The following MYRIP variants were observed in gnomAD, a reference collection of about 807,000 sequenced individuals.
The protein encoded by MYRIP is rab effector MyRIP.
Under a neutral mutation model 98.0 loss-of-function variants are expected in MYRIP, and 49 were observed. The ratio of observed to expected loss-of-function variants is 0.50; its 90% confidence interval spans 0.40 to 0.63. The LOEUF is 0.63. MYRIP is among the 30% of genes least tolerant of loss of function. MYRIP has a pLI of 0.00. For synonymous variants in MYRIP, 404 were observed against 409.5 expected (o/e 0.99, Z 0.16); for missense variants, 1,004 against 1,058.2 (o/e 0.95, Z 0.71).
intron 3 of MYRIP, among the ~76,000 whole-genome samples, chr3:40,046,780 C>G (rs566856419): frequency 1.3e-5 from 2 of 151,808 alleles, no homozygotes; most frequent in Admixed American, 1.3e-4. Context: ...AAACCCTAGC[C>G]GTTATTAAAG....
In MYRIP at chr3:40,232,712, C is replaced by T. The variant is rs538258203; in HGVS notation, c.1906-1147C>T. 14 of 152,330 alleles carry T rather than the reference C, an allele frequency of 9.2e-5. No homozygotes were observed. The South Asian group carries it at 2.9e-3, about 32-fold the overall frequency. The allele number at this position is 152,330 out of a possible 1,614,324, so 9.4% of individuals were successfully genotyped here. A position where few individuals can be genotyped will look rare whatever the true frequency, so the allele number is the denominator to read the frequency against. On this transcript the variant is annotated intron_variant, in intron 11 of 16. Coordinates refer to ENST00000302541, the MANE Select transcript of MYRIP (RefSeq NM_015460.4). The stretch of plus-strand genomic sequence containing the variant: ...GCATGATGCTATATGTTCAGATGAA[C>T]TCAAAAATGCAGATAATTCTTTGGG...
chr3:40,210,266 G>A (rs1045991016), intron 11 of MYRIP, among the ~76,000 whole-genome samples, 173 bp downstream of exon 11: 2 of 152,150 alleles, frequency 1.3e-5, no homozygotes, highest in African/African-American at 4.8e-5. Flanking sequence ...GCACTGGGGG[G>A]TACAATCAGG....
chr3:40,140,184 G>A (rs1949862169), intron 3 of MYRIP, among the ~76,000 whole-genome samples: 1 of 152,084 alleles, frequency 6.6e-6, no homozygotes, highest in African/African-American at 2.4e-5. Flanking sequence ...CCTGACAATG[G>A]AATTACTGTA....
intron 2 of MYRIP, among the ~76,000 whole-genome samples, chr3:40,043,435 T>C (rs1236954672): frequency 6.6e-6 from 1 of 152,150 alleles, no homozygotes; most frequent in African/African-American, 2.4e-5. Context: ...CCGTTATGTT[T>C]TGCATTAGTG....
At chr3:39,875,360 A>T (rs1942954106) in intron 1 of MYRIP, among the ~76,000 whole-genome samples, 2 of 150,950 alleles carry the variant, frequency 1.3e-5, no homozygotes. Context: ...CTCTGATTTT[A>T]GTTATTTCTT....
rs1286653984 is a variant in MYRIP, at chr3:40,189,891, C to T, written c.1093C>T (p.Pro365Ser). ...WVALKDGAPP[P>S]TRLLAKPKSG... The stretch of plus-strand genomic sequence containing the variant: ...GGCCCTGAAGGATGGCGCTCCACCC[C>T]CCACCCGACTACTGGCCAAACCTAA... Residue 365 changes from proline (P) to serine (S), a missense_variant, in exon 10 of 17, where the codon CCC becomes TCC. Physicochemically the swap from Pro to Ser is moderately conservative, Grantham distance 74. Transcript: ENST00000302541. The T allele has an allele frequency of 6.2e-7, 1 of 1,614,194 alleles. No individual in the cohort carries two copies.
At chr3:40,034,035 C>G (rs1947321177) in intron 2 of MYRIP, among the ~76,000 whole-genome samples, 1 of 152,098 alleles carries the variant, frequency 6.6e-6, no homozygotes, top group African/African-American at 2.4e-5. Flanking sequence ...AAAGCTGAAA[C>G]TGGATCCTTT....
chr3:40,018,254 C>A (rs1439690297), intron 2 of MYRIP, among the ~76,000 whole-genome samples: 2 of 152,130 alleles, frequency 1.3e-5, no homozygotes, highest in African/African-American at 4.8e-5. Flanking sequence ...TCTTCAATAT[C>A]TTCTCTTTGC....
chr3:39,942,547 T>A (rs557318661), intron 2 of MYRIP, among the ~76,000 whole-genome samples: 1 of 152,264 alleles, frequency 6.6e-6, no homozygotes, highest in African/African-American at 2.4e-5. Context: ...TAGATGTGTA[T>A]ATTTTGGGCG....
chr3:39,844,225 C>T (rs140845665), intron 1 of MYRIP, among the ~76,000 whole-genome samples: 2 of 152,282 alleles, frequency 1.3e-5, no homozygotes, highest in East Asian at 3.9e-4. Context: ...TGATGTAGGT[C>T]CATTTTTCTA....
chr3:39,995,022 C>T (rs1946303143), intron 2 of MYRIP, among the ~76,000 whole-genome samples: 1 of 152,080 alleles, frequency 6.6e-6, no homozygotes, highest in Non-Finnish European at 1.5e-5. Context: ...GACATCCACA[C>T]CAAAACCCCA....
At chr3:40,231,336 T>A (rs1952650453) in intron 11 of MYRIP, among the ~76,000 whole-genome samples, 1 of 152,248 alleles carries the variant, frequency 6.6e-6, no homozygotes, top group East Asian at 1.9e-4. Flanking sequence ...GCCAAAGGCA[T>A]GCGTGAGGGC....
intron 1 of MYRIP, among the ~76,000 whole-genome samples, chr3:39,876,163 C>A (rs1942987898): frequency 6.6e-6 from 1 of 152,016 alleles, no homozygotes. Context: ...AGCATTGCAA[C>A]CCCTGCCTTT....
rs140385715 is a variant in MYRIP at position 40,189,854 on chromosome 3, C to T, written c.1056C>T (p.Asp352=). The change falls in exon 10 of 17, where the codon GAC becomes GAT. Residue 352 remains aspartate, a synonymous_variant. Coordinates refer to ENST00000302541, the MANE Select transcript of MYRIP (RefSeq NM_015460.4). ...TGGCCCCAGTTTTGCAGAGCCCCGA[C>T]GGGAACTGGGTGGCCCTGAAGGATG... ...TNLAPVLQSP[D]GNWVALKDGA... is the part of the protein sequence containing the mutation. 549 of 1,613,258 alleles carry T rather than the reference C, an allele frequency of 3.4e-4. 1 individual carries two copies. In the African/African-American group the frequency reaches 4.5e-3, roughly 13 times the overall value.
chr3:40,191,063 A>G (rs1365732455), intron 10 of MYRIP, among the ~76,000 whole-genome samples: 1 of 152,226 alleles, frequency 6.6e-6, no homozygotes, highest in Non-Finnish European at 1.5e-5. Context: ...CATTATTTCA[A>G]TATTCTGTGA....
In MYRIP at chr3:40,243,400, T is replaced by TAAA. The variant is rs10655936; in HGVS notation, c.2101-1030_2101-1028dup. 8.6e-3 allele frequency among the ~76,000 whole-genome samples: 1,166 copies of TAAA among 135,106 alleles called. 17 individuals are homozygous for TAAA. The highest frequency in any genetic ancestry group is 0.03 in the African/African-American group (1,069 of 36,180). The allele number at this position is 135,106 out of a possible 152,430, so 88.6% of individuals were successfully genotyped here. A position where few individuals can be genotyped will look rare whatever the true frequency, so the allele number is the denominator to read the frequency against. ...CTCACCAACACAGCATCACTAAGTGTAAAAAAAAAAAAAAAAAAGTGCATG... is the reference window on the plus strand; with the variant it reads ...CTCACCAACACAGCATCACTAAGTGTAAAAAAAAAAAAAAAAAAAAAGTGCATG... On this transcript the variant is annotated intron_variant, in intron 12 of 16. Coordinates refer to ENST00000302541, the MANE Select transcript of MYRIP (RefSeq NM_015460.4).
chr3:40,218,623 TA>T (rs1952216661), intron 11 of MYRIP, among the ~76,000 whole-genome samples: 906 of 89,186 alleles, frequency 0.01, 25 homozygotes, highest in African/African-American at 0.048. Flanking sequence ...TATATATATA[TA>T]TATATATATA....
chr3:39,826,601 G>A (rs35932397), intron 1 of MYRIP, among the ~76,000 whole-genome samples: 33,227 of 151,846 alleles, frequency 0.22, 3,835 homozygotes, highest in East Asian at 0.36. Flanking sequence ...TGTTATATGC[G>A]CTGATGAAAA....
At chr3:40,109,535 A>G (rs1949117423) in intron 3 of MYRIP, among the ~76,000 whole-genome samples, 1 of 152,214 alleles carries the variant, frequency 6.6e-6, no homozygotes, top group Non-Finnish European at 1.5e-5. Context: ...CTGTAATCCC[A>G]GCTACTTGGG....
Sources: gnomAD v4.1 joint callset for allele counts (sites outside exome capture counted in the v4.1 genomes callset) on GRCh38, gnomAD v4.1.1 for gene constraint, MANE v1.5 for transcripts, NCBI Gene and HGNC (gene_info 2026-07-23, HGNC 2026-07-21) for gene names.